COL25A1: variants seen among roughly 807,000 people sequenced by gnomAD.
COL25A1 encodes the protein collagen type XXV alpha 1 chain.
COL25A1 carries 103 observed loss-of-function variants against 128.4 expected under a neutral mutation model. That is an observed-to-expected ratio of 0.80 (90% CI 0.68 to 0.94). The LOEUF is 0.94. Ranked by LOEUF, COL25A1 falls within the 40% of genes least tolerant of loss-of-function variation. The probability of loss-of-function intolerance (pLI) is 0.00; values close to 1 mark genes in which losing one functional copy is unlikely to be tolerated. For synonymous variants in COL25A1, 279 were observed against 277.2 expected, an observed-to-expected ratio of 1.01 and a Z score of -0.06; for missense variants, 745 against 840.0, an observed-to-expected ratio of 0.89 and a Z score of 1.40.
intron 6 of COL25A1, among the ~76,000 whole-genome samples, chr4:108,994,681 G>A (rs755898862): frequency 7.9e-5 from 12 of 152,186 alleles, no homozygotes; most frequent in African/African-American, 1.4e-4. Context: ...CCTGACCCCC[G>A]TGTACCTGAC....
At chr4:108,875,826 T>C (rs1739381306) in intron 19 of COL25A1, among the ~76,000 whole-genome samples, 1 of 152,102 alleles carries the variant, frequency 6.6e-6, no homozygotes, top group South Asian at 2.1e-4. Context: ...TGTCCATCAA[T>C]GAGAGACTGG....
chr4:109,169,264 C>G (rs1040753790), intron 3 of COL25A1, among the ~76,000 whole-genome samples: 7 of 152,118 alleles, frequency 4.6e-5, no homozygotes, highest in African/African-American at 1.4e-4. Context: ...TTAAAATTCT[C>G]TACTCCTCCA....
At chr4:108,989,609 A>G (rs1382531604) in intron 6 of COL25A1, among the ~76,000 whole-genome samples, 2 of 152,182 alleles carry the variant, frequency 1.3e-5, no homozygotes, top group African/African-American at 2.4e-5. Flanking sequence ...CACTGGATAT[A>G]CTGATCATTT....
intron 3 of COL25A1, among the ~76,000 whole-genome samples, chr4:109,273,009 A>C (rs1375752480): frequency 6.6e-6 from 1 of 152,188 alleles, no homozygotes; most frequent in Non-Finnish European, 1.5e-5. Flanking sequence ...AGCATTATAT[A>C]ACATTTGCAT....
chr4:109,173,503 G>A (rs1278090763), intron 3 of COL25A1, among the ~76,000 whole-genome samples: 1 of 151,962 alleles, frequency 6.6e-6, no homozygotes, highest in Non-Finnish European at 1.5e-5. Context: ...AAATTTTATG[G>A]TATATAAGAA....
At chr4:108,834,312 A>G (rs963384177) in intron 31 of COL25A1, 49 of 1,545,088 alleles carry the variant, frequency 3.2e-5, no homozygotes, top group African/African-American at 4.1e-5. Context: ...CACATGATTC[A>G]CAGCCACAAA....
intron 3 of COL25A1, among the ~76,000 whole-genome samples, chr4:109,192,222 T>G (rs1427134601): frequency 6.6e-6 from 1 of 152,140 alleles, no homozygotes; most frequent in Non-Finnish European, 1.5e-5. Flanking sequence ...TATGTTAAGC[T>G]AAGAGTGATT....
intron 3 of COL25A1, among the ~76,000 whole-genome samples, chr4:109,098,717 T>C (rs1765623963): frequency 6.6e-6 from 1 of 152,192 alleles, no homozygotes; most frequent in South Asian, 2.1e-4. Context: ...TAATTTTACC[T>C]GATAGCAAGA....
At chr4:108,892,217 A>G (rs1010521929) in intron 16 of COL25A1, among the ~76,000 whole-genome samples, 2 of 152,224 alleles carry the variant, frequency 1.3e-5, no homozygotes, top group African/African-American at 4.8e-5. Flanking sequence ...TCTTAGCTTC[A>G]TAAGTCAGTT....
chr4:109,213,773 T>C (rs1474319873), intron 3 of COL25A1, among the ~76,000 whole-genome samples: 5 of 152,188 alleles, frequency 3.3e-5, no homozygotes. Context: ...TACAATGCAA[T>C]GTCCTAACCT....
At chr4:108,843,145 T>C (rs1054289247) in intron 30 of COL25A1, among the ~76,000 whole-genome samples, 5 of 57,468 alleles carry the variant, frequency 8.7e-5, no homozygotes, top group African/African-American at 3.9e-4. Flanking sequence ...TGAGACCCTG[T>C]CTCAAAAAAA....
intron 12 of COL25A1, 36 bp from the exon 13 acceptor site, chr4:108,918,252 T>C (rs766488168): frequency 4.9e-6 from 7 of 1,431,306 alleles, no homozygotes; most frequent in Non-Finnish European, 6.7e-6. Context: ...GTTGATATCA[T>C]ACACAAAATA....
At chr4:109,045,451 A>C (rs1158639251) in intron 5 of COL25A1, among the ~76,000 whole-genome samples, 1 of 152,214 alleles carries the variant, frequency 6.6e-6, no homozygotes, top group African/African-American at 2.4e-5. Context: ...AAACTTATTT[A>C]ACTGTAATAA....
At chr4:109,250,456 T>C (rs1780574286) in intron 3 of COL25A1, among the ~76,000 whole-genome samples, 1 of 148,698 alleles carries the variant, frequency 6.7e-6, no homozygotes, top group South Asian at 2.1e-4. Context: ...GATGAGAAGT[T>C]CAAGTCCCAA....
intron 18 of COL25A1, among the ~76,000 whole-genome samples, chr4:108,887,137 T>C (rs1044026154): frequency 2.6e-5 from 4 of 152,112 alleles, no homozygotes; most frequent in African/African-American, 9.7e-5. Context: ...GAAAATCCAA[T>C]GGAATTATTC....
chr4:109,152,463 T>C lies in COL25A1; in HGVS notation c.368-102284A>G, dbSNP rs79676583. ...CCTAAAAATTATTCTCCCCTGATAA[T>C]ATTAAAAATACCAGTATTTCCACAT... is the stretch of plus-strand genomic sequence containing the variant. On this transcript the variant is annotated intron_variant, in intron 3 of 37. Transcript: ENST00000399132. Among the ~76,000 whole-genome samples, 196 of 152,356 alleles carry C rather than the reference T, an allele frequency of 1.3e-3. 1 individual carries two copies. The East Asian group carries it at 0.031, about 24-fold the overall frequency.
intron 27 of COL25A1, among the ~76,000 whole-genome samples, chr4:108,847,938 G>T (rs933106510): frequency 6.6e-6 from 1 of 151,794 alleles, no homozygotes; most frequent in Admixed American, 6.6e-5. Context: ...CCATTTCTTG[G>T]GTAAATAATG....
chr4:109,100,746 C>T (rs1054856874), intron 3 of COL25A1, among the ~76,000 whole-genome samples: 2 of 152,094 alleles, frequency 1.3e-5, no homozygotes, highest in African/African-American at 4.8e-5. Context: ...AATTTCCATA[C>T]AAATAACCTG....
chr4:108,864,587 C>T (rs535556322), intron 20 of COL25A1, among the ~76,000 whole-genome samples: 36 of 152,076 alleles, frequency 2.4e-4, no homozygotes, highest in Non-Finnish European at 4.7e-4. Context: ...GTTAGGCAGA[C>T]AAGAGCTGCA....
Sources: allele counts gnomAD v4.1 joint callset (sites outside exome capture counted in the v4.1 genomes callset), GRCh38; gene constraint gnomAD v4.1.1; transcripts MANE v1.5; gene names NCBI Gene and HGNC (gene_info 2026-07-23, HGNC 2026-07-21).